DUS2: variants seen among roughly 807,000 people sequenced by gnomAD.
The protein encoded by DUS2 is tRNA-dihydrouridine(20) synthase [NAD(P)+]-like.
DUS2 carries 52 observed loss-of-function variants against 71.3 expected under a neutral mutation model. The ratio of observed to expected loss-of-function variants is 0.73; its 90% CI spans 0.58 to 0.92. The LOEUF (loss-of-function observed/expected upper bound fraction) is 0.92, where lower values mean the gene tolerates loss of function less well. Ranked by LOEUF, DUS2 falls within the 40% of genes least tolerant of loss-of-function variation. The pLI is 0.00. For synonymous variants in DUS2, 204 were observed against 227.8 expected (o/e 0.90, Z 0.94); for missense variants, 558 against 622.6 (o/e 0.90, Z 1.10).
intron 12 of DUS2, among the ~76,000 whole-genome samples, chr16:68,073,699 T>G (rs1268579927): frequency 6.6e-6 from 1 of 152,196 alleles, no homozygotes; most frequent in Non-Finnish European, 1.5e-5. Context: ...TCCGCCCGCC[T>G]TGGCCTCCCA....
Position 68,079,049 on chromosome 16 carries a change from A to G in DUS2, c.*63A>G. 2.2e-6 allele frequency: 3 copies of G among 1,371,864 alleles called. No individual in the cohort carries two copies. The highest frequency in any genetic ancestry group is 2.0e-6 in the Non-Finnish European group (2 of 1,009,108). 85.0% of individuals were successfully genotyped at this position (1,371,864 alleles called of 1,614,324 possible). ...GTGCTAAGGTGGCTGTGGATGCCAC[A>G]GCATGAACCAGATGCCGTTGAACAG... On this transcript the variant is annotated 3_prime_UTR_variant, in exon 17 of 17. Transcript: ENST00000565263.
chr16:68,040,471 T>C (rs1254808149), intron 3 of DUS2, among the ~76,000 whole-genome samples: 1 of 152,184 alleles, frequency 6.6e-6, no homozygotes, highest in East Asian at 1.9e-4. Context: ...GGGCAAGACT[T>C]GGTTTTCCTA....
intron 7 of DUS2, among the ~76,000 whole-genome samples, chr16:68,060,479 A>G (rs1436284928): frequency 2.0e-5 from 3 of 151,972 alleles, no homozygotes; most frequent in Non-Finnish European, 4.4e-5. Context: ...ATGCTCGGCT[A>G]ATTTTTGTAT....
Position 68,066,391 on chromosome 16 carries a change from G to A in DUS2, c.483+9G>A. On this transcript the variant is annotated intron_variant, in intron 9 of 16. Coordinates refer to ENST00000565263, the MANE Select transcript of DUS2 (RefSeq NM_017803.5). ...TTCGCATCCTGCCATCGGTAAGGAT[G>A]GTGTGTTACATATGAAGGTCCATTC... The A allele has an allele frequency of 6.2e-7, 1 of 1,613,730 alleles. No individual in the cohort carries two copies. Among genetic ancestry groups the A allele is most frequent in the Non-Finnish European group, 8.5e-7 (1 of 1,179,644 alleles).
intron 4 of DUS2, among the ~76,000 whole-genome samples, chr16:68,051,054 T>A (rs1398135274): frequency 6.6e-6 from 1 of 152,220 alleles, no homozygotes; most frequent in Admixed American, 6.5e-5. Flanking sequence ...GGAAATACTT[T>A]AAGTGCATCA....
intron 3 of DUS2, among the ~76,000 whole-genome samples, chr16:68,043,954 T>G (rs1041314721): frequency 6.6e-6 from 1 of 152,254 alleles, no homozygotes; most frequent in African/African-American, 2.4e-5. Context: ...CTTGAGCCAC[T>G]GCACCGGGTC....
chr16:68,028,364 G>A (rs773117442), intron 2 of DUS2, among the ~76,000 whole-genome samples: 2 of 151,936 alleles, frequency 1.3e-5, no homozygotes, highest in Non-Finnish European at 2.9e-5. Flanking sequence ...GGCCAGGCGC[G>A]GTGGCTCACA....
chr16:68,040,258 T>C (rs187300596), intron 3 of DUS2, among the ~76,000 whole-genome samples: 175 of 152,002 alleles, frequency 1.2e-3, no homozygotes, highest in Non-Finnish European at 3.4e-4. Flanking sequence ...CTAATTTTTG[T>C]ATTTAGTAGA....
At position 68,061,090 on chromosome 16, in the gene DUS2, T is replaced by A; in HGVS notation, c.394T>A (p.Ser132Thr). The change falls in exon 8 of 17, where the codon TCA (serine) becomes ACA (threonine). Residue 132 changes from serine (S) to threonine (T), a missense_variant. Coordinates refer to ENST00000565263, the MANE Select transcript of DUS2 (RefSeq NM_017803.5). ...TKGGMGAALLSDPDKIEKILS... is the reference protein window; with the variant it reads ...TKGGMGAALLTDPDKIEKILS... ...GGGAGGAATGGGAGCTGCCCTGCTGTCAGACCCTGACAAGATTGAGAAGGT... is the reference window on the plus strand; with the variant it reads ...GGGAGGAATGGGAGCTGCCCTGCTGACAGACCCTGACAAGATTGAGAAGGT... 1.9e-6 allele frequency: 3 copies of A among 1,614,028 alleles called. No homozygotes were observed. Among genetic ancestry groups the A allele is most frequent in the Non-Finnish European group, 2.5e-6 (3 of 1,179,980 alleles).
chr16:68,057,175 AAT>A (rs1233270429), intron 7 of DUS2, among the ~76,000 whole-genome samples: 1 of 142,714 alleles, frequency 7.0e-6, no homozygotes, highest in Non-Finnish European at 1.5e-5. Flanking sequence ...ATATAAAATA[AAT>A]ATATAATAAA....
intron 12 of DUS2, 75 bp downstream of exon 12, chr16:68,071,183 GC>G: frequency 1.3e-6 from 2 of 1,509,054 alleles, no homozygotes; most frequent in African/African-American, 1.4e-5. Context: ...CTTTGTGTGA[GC>G]CCCCAGCTGC....
chr16:68,069,346 C>A (rs1205083533), intron 10 of DUS2, among the ~76,000 whole-genome samples: 3 of 152,144 alleles, frequency 2.0e-5, no homozygotes, highest in Non-Finnish European at 4.4e-5. Flanking sequence ...CGAGATTGCA[C>A]CATTGCACTC....
chr16:68,056,850 G>T (rs2033860089), intron 7 of DUS2, among the ~76,000 whole-genome samples: 1 of 141,748 alleles, frequency 7.1e-6, no homozygotes, highest in African/African-American at 2.6e-5. Flanking sequence ...ATTATATAAT[G>T]TTATATATTA....
At chr16:68,064,170 G>A (rs965744351) in intron 8 of DUS2, among the ~76,000 whole-genome samples, 1 of 152,200 alleles carries the variant, frequency 6.6e-6, no homozygotes, top group African/African-American at 2.4e-5. Flanking sequence ...TGGCCAGTGG[G>A]TCTATTGAGG....
intron 12 of DUS2, among the ~76,000 whole-genome samples, chr16:68,072,105 A>G (rs1040150613): frequency 1.3e-5 from 2 of 152,212 alleles, no homozygotes; most frequent in African/African-American, 4.8e-5. Context: ...CCTCCTCTTC[A>G]GTCCTAGGGT....
At position 68,074,093 on chromosome 16, in the gene DUS2, A is replaced by G. The variant is rs767415780; in HGVS notation, c.870A>G (p.Arg290=). The change falls in exon 13 of 17, where the codon CGA becomes CGG. Residue 290 remains arginine, a synonymous_variant. Transcript: ENST00000565263. ...NTKYCLCQML[R]EQLESPQGRL... Reference sequence around the variant, plus strand: ...AGTACTGCTTGTGCCAGATGCTACGAGAACAGCTGGAGTCGCCCCAGGGAA... The same window carrying G: ...AGTACTGCTTGTGCCAGATGCTACGGGAACAGCTGGAGTCGCCCCAGGGAA... 2.5e-6 allele frequency: 4 copies of G among 1,614,106 alleles called. No individual in the cohort carries two copies. The African/African-American group carries it at 4.0e-5, about 16-fold the overall frequency.
At chr16:68,071,678 C>A (rs1380556623) in intron 12 of DUS2, among the ~76,000 whole-genome samples, 1 of 142,848 alleles carries the variant, frequency 7.0e-6, no homozygotes, top group Admixed American at 7.2e-5. Flanking sequence ...TGCTCTGTTG[C>A]CCAGGTGTGA....
chr16:68,058,331 TC>T (rs1309973563), intron 7 of DUS2, among the ~76,000 whole-genome samples: 1 of 151,820 alleles, frequency 6.6e-6, no homozygotes, highest in Non-Finnish European at 1.5e-5. Flanking sequence ...TTCAAGCGAT[TC>T]TCCTGCCTCA....
At chr16:68,036,724 G>A (rs2033535383) in intron 2 of DUS2, among the ~76,000 whole-genome samples, 1 of 152,232 alleles carries the variant, frequency 6.6e-6, no homozygotes, top group Non-Finnish European at 1.5e-5. Context: ...ATAGGTGTGA[G>A]CCACTGCGCC....
Sources: allele counts gnomAD v4.1 joint callset (sites outside exome capture counted in the v4.1 genomes callset), GRCh38; gene constraint gnomAD v4.1.1; transcripts MANE v1.5; gene names NCBI Gene and HGNC (gene_info 2026-07-23, HGNC 2026-07-21).